Variants in CNTN5 observed in about 807,000 individuals in gnomAD.
CNTN5 encodes the protein contactin-5.
In CNTN5, 77 loss-of-function variants were observed where a neutral mutation model predicts 129.1. The ratio of observed to expected loss-of-function variants is 0.60; its 90% CI spans 0.50 to 0.72. CNTN5 has a LOEUF of 0.72. Ranked by LOEUF, CNTN5 falls within the 30% of genes least tolerant of loss-of-function variation. The pLI is 0.00. For missense variants in CNTN5, 1,478 were observed against 1,328.8 expected (o/e 1.11, Z -1.75); for synonymous variants, 509 against 465.6 (o/e 1.09, Z -1.20).
At position 99,956,809 on chromosome 11, in the gene CNTN5, T is replaced by A. The variant is rs1950814244; in HGVS notation, c.677T>A (p.Ile226Asn). 6.8e-6 allele frequency: 11 copies of A among 1,613,214 alleles called. No individual in the cohort carries two copies. Among genetic ancestry groups the A allele is most frequent in the Non-Finnish European group, 9.3e-6 (11 of 1,179,474 alleles). The change falls in exon 8 of 25, where the codon ATC becomes AAC. Residue 226 changes from isoleucine (I) to asparagine (N), a missense_variant. By Grantham distance (149) the Ile-to-Asn change is moderately radical. Coordinates refer to ENST00000524871, the MANE Select transcript of CNTN5 (RefSeq NM_014361.4). Reference sequence around the variant, plus strand: ...ACCAAATTTTGTGTATTTTCAGAGATCATCTATAGCTGGGTATTTAATGAG... The same window carrying A: ...ACCAAATTTTGTGTATTTTCAGAGAACATCTATAGCTGGGTATTTAATGAG... ...MCSPPPHSPE[I>N]IYSWVFNEFP...
At chr11:99,083,835 G>T (rs1056720334) in intron 1 of CNTN5, among the ~76,000 whole-genome samples, 1 of 152,082 alleles carries the variant, frequency 6.6e-6, no homozygotes, top group South Asian at 2.1e-4. Context: ...AGTGAGCACC[G>T]CACCAGGCCC....
intron 2 of CNTN5, among the ~76,000 whole-genome samples, chr11:99,489,591 G>T (rs921774540): frequency 3.9e-5 from 6 of 152,108 alleles, no homozygotes; most frequent in African/African-American, 1.4e-4. Context: ...GAGATAATTT[G>T]TTGTCACTTG....
intron 21 of CNTN5, chr11:100,309,672 C>A (rs949069637): frequency 2.0e-6 from 2 of 984,610 alleles, no homozygotes; most frequent in Admixed American, 6.2e-5. Flanking sequence ...TGGCCCATAA[C>A]TGACCACAAT....
chr11:100,213,194 C>T (rs2138592867), intron 15 of CNTN5, among the ~76,000 whole-genome samples: 1 of 150,004 alleles, frequency 6.7e-6, no homozygotes, highest in East Asian at 1.9e-4. Flanking sequence ...TACAATGAAA[C>T]AATCAAGCCC....
chr11:99,264,002 T>C (rs1245318092), intron 1 of CNTN5, among the ~76,000 whole-genome samples: 2 of 152,066 alleles, frequency 1.3e-5, no homozygotes, highest in African/African-American at 2.4e-5. Context: ...CAGTTCTGGC[T>C]GTATTTTTCT....
intron 1 of CNTN5, among the ~76,000 whole-genome samples, chr11:99,174,802 A>T (rs1309669660): frequency 2.6e-5 from 4 of 151,950 alleles, no homozygotes; most frequent in Non-Finnish European, 5.9e-5. Context: ...TTCATTAATT[A>T]ACTTATTAAT....
intron 2 of CNTN5, among the ~76,000 whole-genome samples, chr11:99,524,006 T>C (rs964049021): frequency 3.9e-5 from 6 of 152,202 alleles, no homozygotes; most frequent in African/African-American, 1.2e-4. Flanking sequence ...TGAAGGACTT[T>C]CTTTTTTTTC....
chr11:99,514,690 T>G (rs1946977545), intron 2 of CNTN5, among the ~76,000 whole-genome samples: 1 of 152,054 alleles, frequency 6.6e-6, no homozygotes, highest in Admixed American at 6.6e-5. Context: ...ATATACGTTG[T>G]TTTTTACCTA....
intron 13 of CNTN5, among the ~76,000 whole-genome samples, chr11:100,080,522 T>C (rs1944319849): frequency 6.6e-6 from 1 of 152,122 alleles, no homozygotes; most frequent in Non-Finnish European, 1.5e-5. Context: ...CAGAGACATA[T>C]GGGAAAATCT....
At chr11:99,746,171 T>G (rs537472557) in intron 3 of CNTN5, among the ~76,000 whole-genome samples, 22 of 152,322 alleles carry the variant, frequency 1.4e-4, no homozygotes, top group African/African-American at 4.1e-4. Flanking sequence ...CAAGAATATT[T>G]TTTTCCCTAC....
chr11:99,816,082 T>C (rs1031464524), intron 3 of CNTN5, among the ~76,000 whole-genome samples: 7 of 152,148 alleles, frequency 4.6e-5, no homozygotes, highest in African/African-American at 1.7e-4. Flanking sequence ...CAACTATTAA[T>C]AGACTATAGC....
At chr11:100,183,850 C>G (rs1321086540) in intron 13 of CNTN5, among the ~76,000 whole-genome samples, 1 of 152,134 alleles carries the variant, frequency 6.6e-6, no homozygotes, top group Non-Finnish European at 1.5e-5. Flanking sequence ...ATGATTTTCA[C>G]AGGATACTAT....
At chr11:99,624,543 A>C (rs1169375910) in intron 3 of CNTN5, among the ~76,000 whole-genome samples, 1 of 152,126 alleles carries the variant, frequency 6.6e-6, no homozygotes, top group Non-Finnish European at 1.5e-5. Context: ...TTTGAGAAAA[A>C]TAACAATTTT....
At chr11:99,954,625 GTT>G (rs1011091954) in intron 7 of CNTN5, among the ~76,000 whole-genome samples, 2 of 152,020 alleles carry the variant, frequency 1.3e-5, no homozygotes, top group Non-Finnish European at 2.9e-5. Context: ...TAGATTTATA[GTT>G]TTTTTATGAT....
At chr11:99,749,181 C>G (rs554713734) in intron 3 of CNTN5, among the ~76,000 whole-genome samples, 2 of 152,194 alleles carry the variant, frequency 1.3e-5, no homozygotes, top group South Asian at 2.1e-4. Flanking sequence ...TTGTTTCAAA[C>G]TTTGCATTCC....
At chr11:99,761,025 G>A (rs1185558675) in intron 3 of CNTN5, among the ~76,000 whole-genome samples, 1 of 151,982 alleles carries the variant, frequency 6.6e-6, no homozygotes, top group African/African-American at 2.4e-5. Flanking sequence ...TCATTAATAG[G>A]GAACTGTACT....
chr11:100,168,104 T>A (rs989450151), intron 13 of CNTN5, among the ~76,000 whole-genome samples: 120 of 151,772 alleles, frequency 7.9e-4, no homozygotes, highest in African/African-American at 2.6e-3. Flanking sequence ...GAAAAAAAAA[T>A]TTTGAACCTT....
chr11:99,431,455 T>G (rs1943367472), intron 2 of CNTN5, among the ~76,000 whole-genome samples: 1 of 152,126 alleles, frequency 6.6e-6, no homozygotes, highest in Admixed American at 6.6e-5. Flanking sequence ...TGAGTAAAAT[T>G]CTAGAAAAGG....
At chr11:99,584,905 G>C (rs1429108845) in intron 3 of CNTN5, among the ~76,000 whole-genome samples, 1 of 152,180 alleles carries the variant, frequency 6.6e-6, no homozygotes, top group Non-Finnish European at 1.5e-5. Context: ...AACTGAGTAG[G>C]CCTGTTGCTG....
Sources: allele counts gnomAD v4.1 joint callset (sites outside exome capture counted in the v4.1 genomes callset), GRCh38; gene constraint gnomAD v4.1.1; transcripts MANE v1.5; gene names NCBI Gene and HGNC (gene_info 2026-07-23, HGNC 2026-07-21).